CMBL: variants seen among roughly 807,000 people sequenced by gnomAD.
CMBL encodes carboxymethylenebutenolidase homolog, also known as carboxymethylenebutenolidase homolog (Pseudomonas).
Under a neutral mutation model 28.7 loss-of-function variants are expected in CMBL, and 17 were observed. The ratio of observed to expected loss-of-function variants is 0.59; its 90% CI spans 0.41 to 0.89. The LOEUF is 0.89. CMBL is among the 40% of genes least tolerant of loss of function. CMBL has a pLI of 0.00. For synonymous variants in CMBL, 106 were observed against 101.6 expected, an observed-to-expected ratio of 1.04 and a Z score of -0.26; for missense variants, 310 against 298.5, an observed-to-expected ratio of 1.04 and a Z score of -0.28.
chr5:10,284,405 A>G (rs760513948), intron 4 of CMBL, among the ~76,000 whole-genome samples: 4 of 152,232 alleles, frequency 2.6e-5, no homozygotes, highest in Non-Finnish European at 5.9e-5. Context: ...AGAAGGAATC[A>G]TTAGTATAAC....
chr5:10,302,109 C>T (rs1746911555), intron 1 of CMBL, among the ~76,000 whole-genome samples: 1 of 152,182 alleles, frequency 6.6e-6, no homozygotes, highest in Non-Finnish European at 1.5e-5. Flanking sequence ...CGCCTTGTGC[C>T]AGGGGCCAAG....
chr5:10,301,160 T>C (rs559764771), intron 1 of CMBL, among the ~76,000 whole-genome samples: 32 of 152,178 alleles, frequency 2.1e-4, no homozygotes, highest in Non-Finnish European at 4.0e-4. Flanking sequence ...TTGAAGTATA[T>C]AGGGCAAAAG....
intron 1 of CMBL, 81 bp downstream of exon 1, chr5:10,307,544 A>G (rs552561901): frequency 1.3e-5 from 2 of 152,376 alleles, no homozygotes; most frequent in African/African-American, 4.8e-5. Context: ...CTTCTTTGCC[A>G]TAGTCAGAAC....
Position 10,286,476 on chromosome 5 carries a change from T to C in CMBL, c.344A>G (p.Lys115Arg), listed in dbSNP as rs201454015. 3 of 1,614,100 alleles carry C rather than the reference T, an allele frequency of 1.9e-6. No individual in the cohort carries two copies. Among genetic ancestry groups the C allele is most frequent in the East Asian group, 2.2e-5 (1 of 44,874 alleles). Reference protein sequence around the residue: ...KIDREISAILKYLKQQCHAQK... With the variant: ...KIDREISAILRYLKQQCHAQK... ...GGCATGACACTGTTGTTTCAGATAC[T>C]TCAAGATAGCACTGATCTCTCTAGA... The change falls in exon 4 of 6, where the codon AAG becomes AGG. Residue 115 changes from lysine (K) to arginine (R), a missense_variant. Physicochemically the swap from Lys to Arg is conservative, Grantham distance 26. Coordinates refer to ENST00000296658, the MANE Select transcript of CMBL (RefSeq NM_138809.4).
At position 10,296,300 on chromosome 5, in the gene CMBL, A is replaced by T. The variant is rs1178263224; in HGVS notation, c.-19-5519T>A. Among the ~76,000 whole-genome samples the T allele has an allele frequency of 9.9e-5, 15 of 152,144 alleles. 1 individual carries two copies. Among genetic ancestry groups the T allele is most frequent in the Admixed American group, 9.8e-4 (15 of 15,274 alleles). On this transcript the variant is annotated intron_variant, in intron 1 of 5. Coordinates refer to ENST00000296658, the MANE Select transcript of CMBL (RefSeq NM_138809.4). ...TATGTGGGTTTGGTTTGTTTGTTTG[A>T]GACACAGTCTCACTCTGTCCCCTAG...
intron 1 of CMBL, among the ~76,000 whole-genome samples, chr5:10,305,726 C>T (rs1746991217): frequency 6.6e-6 from 1 of 152,126 alleles, no homozygotes; most frequent in African/African-American, 2.4e-5. Flanking sequence ...CACATGCCAC[C>T]ACGCCTGGCT....
chr5:10,299,626 G>A (rs530539282), intron 1 of CMBL, among the ~76,000 whole-genome samples: 88 of 151,550 alleles, frequency 5.8e-4, no homozygotes, highest in Non-Finnish European at 1.0e-3. Context: ...GATCATTTGA[G>A]CCCAGGAGTT....
chr5:10,280,654 G>C (rs760575932), intron 5 of CMBL, 22 bp from the exon 6 acceptor site: 1 of 1,576,210 alleles, frequency 6.3e-7, no homozygotes, highest in Non-Finnish European at 8.7e-7. Flanking sequence ...AAGATTTCAT[G>C]ATTTTAACCC....
At chr5:10,294,545 C>T (rs372240399) in intron 1 of CMBL, among the ~76,000 whole-genome samples, 79 of 149,454 alleles carry the variant, frequency 5.3e-4, no homozygotes, top group African/African-American at 1.9e-3. Flanking sequence ...GCCTGGATGA[C>T]ACAGAGAGAT....
intron 5 of CMBL, among the ~76,000 whole-genome samples, chr5:10,281,269 G>A (rs1746493706): frequency 6.6e-6 from 1 of 152,200 alleles, no homozygotes; most frequent in South Asian, 2.1e-4. Flanking sequence ...CCAGGCTGGA[G>A]TGCGGTGGCA....
chr5:10,280,508 G>T lies in CMBL; in HGVS notation c.683C>A (p.Pro228His). The T allele has an allele frequency of 6.2e-7, 1 of 1,613,496 alleles. No individual in the cohort carries two copies. The highest frequency in any genetic ancestry group is 8.5e-7 in the Non-Finnish European group (1 of 1,179,594). Residue 228 changes from proline (P) to histidine (H), a missense_variant, in exon 6 of 6, where the codon CCC becomes CAC. Pro to His is a moderately conservative substitution (Grantham distance 77). Transcript: ENST00000296658. ...ATTCCTTCTGGCCTCGTCAATGTAG[G>T]GCTTGTCTGCAGGTGAGCAATCTTC... ...KREDCSPADK[P>H]YIDEARRNLI...
In CMBL at chr5:10,295,881, G is replaced by A. The variant is rs540969940; in HGVS notation, c.-19-5100C>T. ...CAAGTGTCCTTTGCATGGTCTTAGT[G>A]CACATTTTTGTGCTTTTTGAGGGGT... On this transcript the variant is annotated intron_variant, in intron 1 of 5. Transcript: ENST00000296658. Among the ~76,000 whole-genome samples, 328 of 152,314 alleles carry A rather than the reference G, an allele frequency of 2.2e-3. 2 individuals are homozygous for A. The highest frequency in any genetic ancestry group is 7.4e-3 in the African/African-American group (309 of 41,566).
chr5:10,277,669 T>G lies in CMBL; in HGVS notation c.*2784A>C, dbSNP rs1314619322. ...ATGGGGAAAAAAGCTAAAGTTGCCA[T>G]TTTTTCCCTTTACCTTCATTTATCT... On this transcript the variant is annotated 3_prime_UTR_variant, in exon 6 of 6. Transcript: ENST00000296658. Among the ~76,000 whole-genome samples, 2 of 152,144 alleles carry G rather than the reference T, an allele frequency of 1.3e-5. No homozygotes were observed. Among genetic ancestry groups the G allele is most frequent in the Non-Finnish European group, 2.9e-5 (2 of 68,034 alleles).
At chr5:10,303,426 A>G (rs1746945940) in intron 1 of CMBL, among the ~76,000 whole-genome samples, 1 of 152,234 alleles carries the variant, frequency 6.6e-6, no homozygotes. Flanking sequence ...TCAACAACAC[A>G]TGTATTTATT....
intron 5 of CMBL, among the ~76,000 whole-genome samples, chr5:10,281,010 G>A (rs946048981): frequency 3.3e-5 from 5 of 152,186 alleles, no homozygotes; most frequent in African/African-American, 1.2e-4. Context: ...CTGACCTCAA[G>A]TGATCTGCCT....
chr5:10,292,887 C>G (rs1488931141), intron 1 of CMBL, among the ~76,000 whole-genome samples: 3 of 150,876 alleles, frequency 2.0e-5, no homozygotes, highest in African/African-American at 7.3e-5. Context: ...ACACTAAACC[C>G]AAAGACATAT....
chr5:10,287,234 G>A (rs1430528719), intron 3 of CMBL, among the ~76,000 whole-genome samples: 1 of 152,184 alleles, frequency 6.6e-6, no homozygotes, highest in Non-Finnish European at 1.5e-5. Flanking sequence ...ATATGCAACC[G>A]AAGCGCCCAT....
rs923091944 is a variant in CMBL, at chr5:10,296,026, C to G, written c.-19-5245G>C. On this transcript the variant is annotated intron_variant, in intron 1 of 5. Coordinates refer to ENST00000296658, the MANE Select transcript of CMBL (RefSeq NM_138809.4). ...ATGCGAGTATTGGAGAAGCTTTGTTCAGGCACGAGTTACAGTCCTGTTGGC... is the reference window on the plus strand; with the variant it reads ...ATGCGAGTATTGGAGAAGCTTTGTTGAGGCACGAGTTACAGTCCTGTTGGC... Among the ~76,000 whole-genome samples, 60 of 152,194 alleles carry G rather than the reference C, an allele frequency of 3.9e-4. 1 individual carries two copies. Among genetic ancestry groups the G allele is most frequent in the African/African-American group, 1.4e-3 (59 of 41,442 alleles).
intron 1 of CMBL, among the ~76,000 whole-genome samples, chr5:10,301,987 G>C (rs1746908287): frequency 6.6e-6 from 1 of 152,122 alleles, no homozygotes; most frequent in Non-Finnish European, 1.5e-5. Flanking sequence ...ACAGCCAGGC[G>C]AGCAGCCCTC....
Sources: allele counts gnomAD v4.1 joint callset (sites outside exome capture counted in the v4.1 genomes callset), GRCh38; gene constraint gnomAD v4.1.1; transcripts MANE v1.5; gene names NCBI Gene and HGNC (gene_info 2026-07-23, HGNC 2026-07-21).